The following PCLO variants were observed in gnomAD, a reference collection of about 807,000 sequenced individuals.
The protein encoded by PCLO is protein piccolo.
In PCLO, 82 loss-of-function variants were observed where a neutral mutation model predicts 427.5. That is an observed-to-expected ratio of 0.19 (90% CI 0.16 to 0.23). PCLO has a LOEUF of 0.23. Among genes scored for constraint, PCLO ranks in the 10% least tolerant of loss-of-function variants. PCLO has a pLI of 1.00. For missense variants in PCLO, 6,239 were observed against 6,115.9 expected (o/e 1.02, Z -0.67); for synonymous variants, 2,357 against 2,155.4 (o/e 1.09, Z -2.59).
At chr7:83,035,311 G>C (rs1042428835) in intron 3 of PCLO, among the ~76,000 whole-genome samples, 1 of 152,254 alleles carries the variant, frequency 6.6e-6, no homozygotes, top group South Asian at 2.1e-4. Flanking sequence ...GTTCAAGGTT[G>C]TATCTTTTAT....
intron 3 of PCLO, among the ~76,000 whole-genome samples, chr7:83,057,951 T>C (rs1789443644): frequency 6.6e-6 from 1 of 152,144 alleles, no homozygotes; most frequent in Non-Finnish European, 1.5e-5. Flanking sequence ...TTTACTGCAA[T>C]AGCCAAACAG....
At chr7:83,098,226 G>C (rs1790643544) in intron 3 of PCLO, among the ~76,000 whole-genome samples, 2 of 152,138 alleles carry the variant, frequency 1.3e-5, no homozygotes, top group Admixed American at 1.3e-4. Context: ...AAGATACTCA[G>C]AATAAAGATC....
chr7:82,951,207 C>G lies in PCLO; in HGVS notation c.9381G>C (p.Val3127=), dbSNP rs752446126. The G allele has an allele frequency of 6.2e-7, 1 of 1,613,582 alleles. No homozygotes were observed. Among genetic ancestry groups the G allele is most frequent in the South Asian group, 1.1e-5 (1 of 91,004 alleles). ...DLSGIHTADA[V]TSLPAMHHSQ... is the part of the protein sequence containing the mutation. ...TATGGTGCATGGCAGGTAATGAAGT[C>G]ACTGCATCAGCCGTATGAATACCAG... Residue 3127 remains valine (V), a synonymous_variant, in exon 6 of 25, where the codon GTG becomes GTC. Coordinates refer to ENST00000333891, the MANE Select transcript of PCLO (RefSeq NM_033026.6).
In PCLO at chr7:82,916,423, G is replaced by A; in HGVS notation, c.11563C>T (p.Arg3855Ter). 1.2e-6 allele frequency: 2 copies of A among 1,613,618 alleles called. No individual in the cohort carries two copies. The highest frequency in any genetic ancestry group is 1.3e-5 in the African/African-American group (1 of 74,966). Residue 3855 changes from arginine (R) to a stop codon, truncating the protein, a stop_gained, in exon 7 of 25, where the codon CGA becomes TGA. Coordinates refer to ENST00000333891, the MANE Select transcript of PCLO (RefSeq NM_033026.6). LOFTEE classifies it high-confidence loss of function. ...TCAGTTTGGGGAGCAGTTCTTGGTC[G>A]CTCAATGCCATGCTGACTTTCTATT... ...TRIESQHGIE[R>*]PRTAPQTEFS...
chr7:83,156,669 A>C (rs6954361), intron 1 of PCLO, among the ~76,000 whole-genome samples: 3,430 of 151,802 alleles, frequency 0.023, 137 homozygotes, highest in African/African-American at 0.077. Context: ...GAAAATACTT[A>C]TAATAAAAGT....
At chr7:83,052,441 T>C (rs777782868) in intron 3 of PCLO, among the ~76,000 whole-genome samples, 5 of 152,064 alleles carry the variant, frequency 3.3e-5, no homozygotes, top group Non-Finnish European at 7.4e-5. Context: ...GCTCAGGTGT[T>C]ACTTAACTTC....
rs1790346823 is a variant in PCLO, at chr7:82,757,668, A to G, written c.*907T>C. 1 of 151,978 alleles carries G rather than the reference A, an allele frequency of 6.6e-6. No individual in the cohort carries two copies. The highest frequency in any genetic ancestry group is 2.4e-5 in the African/African-American group (1 of 41,438). The allele number at this position is 151,978 out of a possible 1,614,324, so 9.4% of individuals were successfully genotyped here. On this transcript the variant is annotated 3_prime_UTR_variant, in exon 25 of 25. Coordinates refer to ENST00000333891, the MANE Select transcript of PCLO (RefSeq NM_033026.6). Reference sequence around the variant, plus strand: ...ATTTATTTGCAGTTTCACAAAGAGTAAGTTATCATGCTTCCTAGAACATAT... The same window carrying G: ...ATTTATTTGCAGTTTCACAAAGAGTGAGTTATCATGCTTCCTAGAACATAT...
intron 3 of PCLO, among the ~76,000 whole-genome samples, chr7:83,133,589 A>G (rs770655106): frequency 6.6e-6 from 1 of 152,058 alleles, no homozygotes; most frequent in Admixed American, 6.5e-5. Context: ...AAATTCATAT[A>G]TCTTTCTTTC....
intron 10 of PCLO, among the ~76,000 whole-genome samples, chr7:82,867,579 G>A (rs17281750): frequency 0.16 from 24,433 of 152,062 alleles, 2,485 homozygotes; most frequent in Middle Eastern, 0.22. Context: ...CCAAGCTTAC[G>A]AAAAAGTGCA....
chr7:83,142,107 C>T (rs1249569854), intron 2 of PCLO, among the ~76,000 whole-genome samples: 1 of 151,698 alleles, frequency 6.6e-6, no homozygotes, highest in African/African-American at 2.4e-5. Context: ...GTAACTCTAA[C>T]TGGAAAATTT....
intron 20 of PCLO, among the ~76,000 whole-genome samples, chr7:82,817,142 G>A (rs1266579835): frequency 6.6e-6 from 1 of 152,144 alleles, no homozygotes; most frequent in Non-Finnish European, 1.5e-5. Context: ...AACTCTGAAA[G>A]CTGAAATTGT....
chr7:82,928,336 T>A (rs921028403), intron 6 of PCLO, among the ~76,000 whole-genome samples: 2 of 152,194 alleles, frequency 1.3e-5, no homozygotes, highest in African/African-American at 4.8e-5. Context: ...TGATATGAAT[T>A]ATATTTTTGT....
intron 3 of PCLO, among the ~76,000 whole-genome samples, chr7:82,983,752 TAATC>T (rs1039764195): frequency 9.9e-5 from 15 of 151,768 alleles, no homozygotes; most frequent in Non-Finnish European, 1.8e-4. Context: ...TCTAAGGACA[TAATC>T]AATGCTTAAT....
intron 3 of PCLO, among the ~76,000 whole-genome samples, chr7:83,042,558 T>G (rs1788997129): frequency 6.6e-6 from 1 of 152,184 alleles, no homozygotes; most frequent in Non-Finnish European, 1.5e-5. Context: ...GGAAGTCACT[T>G]GTTTAAGATA....
At chr7:82,993,589 C>A (rs764700262) in intron 3 of PCLO, among the ~76,000 whole-genome samples, 6 of 151,466 alleles carry the variant, frequency 4.0e-5, no homozygotes, top group Non-Finnish European at 7.4e-5. Flanking sequence ...GCAATAACGT[C>A]TTTTTAAATT....
chr7:82,877,642 G>T lies in PCLO; in HGVS notation c.13654+1695C>A, dbSNP rs539239961. Among the ~76,000 whole-genome samples the T allele has an allele frequency of 3.9e-5, 6 of 152,052 alleles. No individual in the cohort carries two copies. The East Asian group carries it at 7.8e-4, about 20-fold the overall frequency. On this transcript the variant is annotated intron_variant, in intron 10 of 24. Coordinates refer to ENST00000333891, the MANE Select transcript of PCLO (RefSeq NM_033026.6). Reference sequence around the variant, plus strand: ...TCCTAACTTCTCCTCTTTTATGAATGCCATTAGAATATTTTTAATAATGTG... The same window carrying T: ...TCCTAACTTCTCCTCTTTTATGAATTCCATTAGAATATTTTTAATAATGTG...
intron 3 of PCLO, among the ~76,000 whole-genome samples, chr7:82,998,840 G>C (rs1484039998): frequency 6.6e-6 from 1 of 151,630 alleles, no homozygotes; most frequent in Non-Finnish European, 1.5e-5. Flanking sequence ...GACAGAGCAA[G>C]CACAAGAACC....
intron 3 of PCLO, among the ~76,000 whole-genome samples, chr7:83,050,224 A>AC (rs1789205336): frequency 1.6e-5 from 2 of 122,402 alleles, no homozygotes; most frequent in Non-Finnish European, 3.4e-5. Flanking sequence ...AAAAAAAAAA[A>AC]AAAAAAAAAA....
intron 9 of PCLO, among the ~76,000 whole-genome samples, chr7:82,885,781 A>G (rs1793613590): frequency 6.8e-6 from 1 of 148,008 alleles, no homozygotes; most frequent in Non-Finnish European, 1.5e-5. Flanking sequence ...AAAATAAAAG[A>G]GCAAATGGAA....
Sources: gnomAD v4.1 joint callset for allele counts (sites outside exome capture counted in the v4.1 genomes callset) on GRCh38, gnomAD v4.1.1 for gene constraint, MANE v1.5 for transcripts, NCBI Gene and HGNC (gene_info 2026-07-23, HGNC 2026-07-21) for gene names.